SVEP1: variants seen among roughly 807,000 people sequenced by gnomAD.
The protein encoded by SVEP1 is sushi, von Willebrand factor type A, EGF and pentraxin domain-containing protein 1.
In SVEP1, 164 loss-of-function variants were observed where a neutral mutation model predicts 367.3. That is an observed-to-expected ratio of 0.45 (90% CI 0.39 to 0.51). SVEP1 has a LOEUF of 0.51. Ranked by LOEUF, SVEP1 falls within the 20% of genes least tolerant of loss-of-function variation. The probability of loss-of-function intolerance (pLI) is 0.00; values close to 1 mark genes in which losing one functional copy is unlikely to be tolerated. For synonymous variants in SVEP1, 1,666 were observed against 1,611.6 expected (o/e 1.03, Z -0.81); for missense variants, 4,117 against 4,425.3 (o/e 0.93, Z 1.98).
chr9:110,535,100 T>C (rs1051446926), intron 3 of SVEP1, among the ~76,000 whole-genome samples: 2 of 152,174 alleles, frequency 1.3e-5, no homozygotes, highest in African/African-American at 4.8e-5. Flanking sequence ...CCCATTCCTA[T>C]GTCCAGAATG....
At chr9:110,448,902 C>T (rs896479098) in intron 24 of SVEP1, among the ~76,000 whole-genome samples, 48 of 152,264 alleles carry the variant, frequency 3.2e-4, no homozygotes, top group Admixed American at 7.8e-4. Flanking sequence ...TTCTGGATAG[C>T]GCCTTGGCTG....
chr9:110,457,568 C>A (rs1828794770), intron 20 of SVEP1, among the ~76,000 whole-genome samples: 1 of 152,030 alleles, frequency 6.6e-6, no homozygotes, highest in Non-Finnish European at 1.5e-5. Context: ...TTCTGGTAAA[C>A]CTAAGGAGTG....
intron 3 of SVEP1, among the ~76,000 whole-genome samples, chr9:110,518,884 C>T (rs937164327): frequency 3.3e-5 from 5 of 152,226 alleles, no homozygotes; most frequent in South Asian, 4.1e-4. Flanking sequence ...TAAATTCAGT[C>T]AAATCATTTT....
At chr9:110,515,129 G>A (rs2118780753) in intron 3 of SVEP1, among the ~76,000 whole-genome samples, 1 of 152,306 alleles carries the variant, frequency 6.6e-6, no homozygotes, top group South Asian at 2.1e-4. Flanking sequence ...TCCCTCTGGA[G>A]TTATGCATCT....
intron 18 of SVEP1, among the ~76,000 whole-genome samples, chr9:110,461,973 A>G (rs935703859): frequency 1.3e-5 from 2 of 152,154 alleles, no homozygotes; most frequent in Non-Finnish European, 2.9e-5. Flanking sequence ...TCCGAGAGTG[A>G]CTGCCTATTT....
chr9:110,551,519 A>G (rs962786542), intron 1 of SVEP1, among the ~76,000 whole-genome samples: 1 of 152,218 alleles, frequency 6.6e-6, no homozygotes, highest in African/African-American at 2.4e-5. Flanking sequence ...TTTCTCAAAA[A>G]TCAAATGAGA....
intron 14 of SVEP1, among the ~76,000 whole-genome samples, 190 bp from the exon 15 acceptor site, chr9:110,472,513 A>G (rs1407596198): frequency 6.6e-6 from 1 of 152,186 alleles, no homozygotes; most frequent in Non-Finnish European, 1.5e-5. Flanking sequence ...TTTAATACAG[A>G]TTACCAATGA....
chr9:110,429,569 A>G (rs1167376217), intron 34 of SVEP1, among the ~76,000 whole-genome samples: 1 of 151,966 alleles, frequency 6.6e-6, no homozygotes, highest in African/African-American at 2.4e-5. Flanking sequence ...AGTTTGTGTC[A>G]TGGATTAGTA....
rs558411436 is a variant in SVEP1, at chr9:110,410,764, G to T, written c.6648+299C>A. On this transcript the variant is annotated intron_variant, in intron 37 of 47. Transcript: ENST00000374469. ...TCATTGCCCCGCTTCTGAATAGTGG[G>T]TTCATCACAGTGGGCTGGCCCTGTA... Among the ~76,000 whole-genome samples, 4 of 152,176 alleles carry T rather than the reference G, an allele frequency of 2.6e-5. No homozygotes were observed. The South Asian group carries it at 8.3e-4, about 32-fold the overall frequency.
rs560272907 is a variant in SVEP1, at chr9:110,520,395, T to A, written c.965-6289A>T. Among the ~76,000 whole-genome samples the A allele has an allele frequency of 3.9e-5, 6 of 152,330 alleles. No homozygotes were observed. In the South Asian group the frequency reaches 1.0e-3, roughly 26 times the overall value. Reference sequence around the variant, plus strand: ...ATTGTTTTCCCTTTTTAATATGCGATGTTTCCTTCCTGGAAATGTACCAAA... The same window carrying A: ...ATTGTTTTCCCTTTTTAATATGCGAAGTTTCCTTCCTGGAAATGTACCAAA... On this transcript the variant is annotated intron_variant, in intron 3 of 47. Coordinates refer to ENST00000374469, the MANE Select transcript of SVEP1 (RefSeq NM_153366.4).
chr9:110,567,958 G>A (rs1830511016), intron 1 of SVEP1, among the ~76,000 whole-genome samples: 1 of 152,212 alleles, frequency 6.6e-6, no homozygotes, highest in South Asian at 2.1e-4. Flanking sequence ...CTGACATGAG[G>A]TAGTCTCTAA....
In SVEP1 at chr9:110,407,652, G is replaced by T; in HGVS notation, c.7948C>A (p.Pro2650Thr). Residue 2650 changes from proline to threonine, a missense_variant, in exon 38 of 48, where the codon CCT (proline) becomes ACT (threonine). By Grantham distance (38) the Pro-to-Thr change is conservative (BLOSUM62 -1). Coordinates refer to ENST00000374469, the MANE Select transcript of SVEP1 (RefSeq NM_153366.4). ...GCCACTGCTCCCAAATGATAAGGAG[G>T]GTGAGGAGTCACATATGGAACTTCC... ...MMEVPYVTPHPPYHLGAVAKT... is the reference protein window; with the variant it reads ...MMEVPYVTPHTPYHLGAVAKT... The T allele has an allele frequency of 1.2e-6, 2 of 1,613,918 alleles. No homozygotes were observed. The highest frequency in any genetic ancestry group is 2.2e-5 in the South Asian group (2 of 91,072).
intron 45 of SVEP1, among the ~76,000 whole-genome samples, chr9:110,376,432 T>C (rs1827352686): frequency 6.6e-6 from 1 of 152,236 alleles, no homozygotes. Context: ...TGATTTCTCT[T>C]CTTTTTTAAT....
At position 110,477,766 on chromosome 9, in the gene SVEP1, T is replaced by C. The variant is rs141423721; in HGVS notation, c.2488-1451A>G. Among the ~76,000 whole-genome samples, 603 of 152,152 alleles carry C rather than the reference T, an allele frequency of 4.0e-3. 6 individuals carry two copies. The highest frequency in any genetic ancestry group is 0.014 in the African/African-American group (581 of 41,500). Reference sequence around the variant, plus strand: ...TCCTACTGAATCTACTTTCAGAAGATATAAAAAAAATCCATTCACTTCTCA... The same window carrying C: ...TCCTACTGAATCTACTTTCAGAAGACATAAAAAAAATCCATTCACTTCTCA... On this transcript the variant is annotated intron_variant, in intron 13 of 47. Coordinates refer to ENST00000374469, the MANE Select transcript of SVEP1 (RefSeq NM_153366.4).
intron 36 of SVEP1, among the ~76,000 whole-genome samples, chr9:110,415,929 T>G (rs1828113731): frequency 6.6e-6 from 1 of 152,048 alleles, no homozygotes; most frequent in African/African-American, 2.4e-5. Flanking sequence ...TAGTGGAGTC[T>G]GTACCTCATG....
chr9:110,546,302 C>G lies in SVEP1; in HGVS notation c.788-11G>C. The stretch of plus-strand genomic sequence containing the variant: ...TCCCAGAAGGTAGATCTACAAATAA[C>G]ATATGACAGAGGGCGATAAAAATGA... On this transcript the variant is annotated splice_polypyrimidine_tract_variant and intron_variant, in intron 2 of 47. Transcript: ENST00000374469. 1 of 1,574,992 alleles carries G rather than the reference C, an allele frequency of 6.3e-7. No homozygotes were observed.
intron 17 of SVEP1, among the ~76,000 whole-genome samples, chr9:110,466,912 C>T (rs1005972482): frequency 1.3e-5 from 2 of 152,016 alleles, no homozygotes; most frequent in African/African-American, 4.8e-5. Context: ...AAGCAACTTG[C>T]TATAATTCAT....
intron 7 of SVEP1, among the ~76,000 whole-genome samples, chr9:110,498,101 AG>A (rs2118744224): frequency 6.6e-6 from 1 of 152,340 alleles, no homozygotes; most frequent in South Asian, 2.1e-4. Context: ...TGGCATTTAA[AG>A]TTGTAAATGA....
chr9:110,427,903 T>A, intron 35 of SVEP1, 145 bp from the exon 36 acceptor site: 1 of 969,168 alleles, frequency 1.0e-6, no homozygotes, highest in Non-Finnish European at 1.5e-6. Flanking sequence ...GATTGCTTTA[T>A]ATGAAAGCAA....
Sources: gnomAD v4.1 joint callset for allele counts (sites outside exome capture counted in the v4.1 genomes callset) on GRCh38, gnomAD v4.1.1 for gene constraint, MANE v1.5 for transcripts, NCBI Gene and HGNC (gene_info 2026-07-23, HGNC 2026-07-21) for gene names.